Variants in IL4I1 observed in about 807,000 individuals in gnomAD.
IL4I1 encodes L-amino-acid oxidase.
Under a neutral mutation model 29.7 loss-of-function variants are expected in IL4I1, and 24 were observed. The observed-to-expected ratio is 0.81, with a 90% CI of 0.59 to 1.14. IL4I1 has a LOEUF of 1.14. IL4I1 is among the 50% of genes most tolerant of loss of function. The pLI is 0.00. For missense variants in IL4I1, 686 were observed against 785.6 expected (o/e 0.87, Z 1.52); for synonymous variants, 371 against 352.5 (o/e 1.05, Z -0.59).
chr19:49,901,810 G>A (rs1268840180), upstream of IL4I1: 4 of 866,180 alleles, frequency 4.6e-6, no homozygotes, highest in Non-Finnish European at 6.8e-6. Context: ...TGGGGTCAGA[G>A]CAGCTGGGAG....
chr19:49,910,149 G>A (rs1279431475), intron 2 of IL4I1, among the ~76,000 whole-genome samples: 1 of 152,148 alleles, frequency 6.6e-6, no homozygotes, highest in African/African-American at 2.4e-5. Flanking sequence ...GACGAGGCGG[G>A]AGAACAGGAC....
chr19:49,894,653 C>T (rs1047252149), intron 4 of IL4I1, among the ~76,000 whole-genome samples, 184 bp from the exon 5 acceptor site: 1 of 151,760 alleles, frequency 6.6e-6, no homozygotes, highest in Non-Finnish European at 1.5e-5. Flanking sequence ...AGGCTGGAGG[C>T]CTCAGGGCAG....
At chr19:49,903,353 G>A (rs1370187640) in intron 3 of IL4I1, among the ~76,000 whole-genome samples, 2 of 152,170 alleles carry the variant, frequency 1.3e-5, no homozygotes, top group Non-Finnish European at 2.9e-5. Flanking sequence ...CAACCTGATG[G>A]TGTCTGGAGG....
chr19:49,900,477 G>A (rs192128225), upstream of IL4I1, among the ~76,000 whole-genome samples: 3 of 152,010 alleles, frequency 2.0e-5, no homozygotes, highest in African/African-American at 7.3e-5. Flanking sequence ...TAGTAGAGAC[G>A]GGGTTTCTCC....
chr19:49,909,305 G>A, intron 2 of IL4I1: 1 of 1,614,096 alleles, frequency 6.2e-7, no homozygotes, highest in Non-Finnish European at 8.5e-7. Flanking sequence ...GAAACCGGAG[G>A]GTTGGGCCGT....
Position 49,889,783 on chromosome 19 carries a change from G to A in IL4I1, c.1591C>T (p.His531Tyr), listed in dbSNP as rs1425185993. 6.5e-7 allele frequency: 1 copy of A among 1,534,842 alleles called. No homozygotes were observed. The highest frequency in any genetic ancestry group is 8.8e-7 in the Non-Finnish European group (1 of 1,140,886). The change falls in exon 8 of 8, where the codon CAT becomes TAT. Residue 531 changes from histidine to tyrosine, a missense_variant. Coordinates refer to ENST00000391826, the MANE Select transcript of IL4I1 (RefSeq NM_152899.2). Reference protein sequence around the residue: ...ASDMEGQGHVHGVASSPSHDL... With the variant: ...ASDMEGQGHVYGVASSPSHDL... ...TGCGAGGGGCTGCTGGCCACCCCATGCACATGCCCCTGCCCCTCCATGTCA... is the reference window on the plus strand; with the variant it reads ...TGCGAGGGGCTGCTGGCCACCCCATACACATGCCCCTGCCCCTCCATGTCA...
intron 2 of IL4I1, among the ~76,000 whole-genome samples, chr19:49,905,132 ATAAC>A (rs1364691369): frequency 1.3e-5 from 2 of 152,226 alleles, no homozygotes; most frequent in Non-Finnish European, 2.9e-5. Context: ...TTTTAAAAAT[ATAAC>A]TATAAGAAAG....
At position 49,889,809 on chromosome 19, in the gene IL4I1, G is replaced by C. The variant is rs773846606; in HGVS notation, c.1565C>G (p.Ser522Cys). 6.5e-6 allele frequency: 10 copies of C among 1,549,200 alleles called. No homozygotes were observed. The highest frequency in any genetic ancestry group is 8.7e-6 in the Non-Finnish European group (10 of 1,147,364). The change falls in exon 8 of 8, where the codon TCT (serine) becomes TGT (cysteine). Residue 522 changes from serine (S) to cysteine (C), a missense_variant. Transcript: ENST00000391826. ...SDTASPEGHA[S>C]DMEGQGHVHG... is the part of the protein sequence containing the mutation. ...CACATGCCCCTGCCCCTCCATGTCA[G>C]ATGCGTGCCCCTCGGGGCTGGCCGT...
upstream of IL4I1, among the ~76,000 whole-genome samples, chr19:49,897,599 G>T (rs1451220423): frequency 1.3e-5 from 2 of 152,248 alleles, no homozygotes; most frequent in East Asian, 3.8e-4. Flanking sequence ...TGGCCGCAGG[G>T]GCACTCAGGG....
chr19:49,891,518 C>T (rs1363938248), intron 5 of IL4I1, 45 bp from the exon 6 acceptor site: 2 of 1,565,978 alleles, frequency 1.3e-6, no homozygotes, highest in Admixed American at 1.7e-5. Flanking sequence ...CCCGGGCAGC[C>T]AGGGTGGAGG....
chr19:49,901,877 C>T (rs2075274893), upstream of IL4I1: 3 of 474,540 alleles, frequency 6.3e-6, no homozygotes, highest in Non-Finnish European at 1.1e-5. Flanking sequence ...AACTTTCAAA[C>T]ATCTAAAACC....
intron 5 of IL4I1, among the ~76,000 whole-genome samples, chr19:49,891,706 C>A (rs921126306): frequency 6.6e-6 from 1 of 152,260 alleles, no homozygotes; most frequent in Non-Finnish European, 1.5e-5. Flanking sequence ...CATCCCCCCT[C>A]ATTCGGCTGG....
At chr19:49,923,941 C>T (rs770849706) in intron 2 of IL4I1, among the ~76,000 whole-genome samples, 2 of 152,254 alleles carry the variant, frequency 1.3e-5, no homozygotes, top group African/African-American at 2.4e-5. Flanking sequence ...AGGACCAGAA[C>T]CCCGGTCTGT....
chr19:49,919,317 C>A (rs1312805572), intron 2 of IL4I1, among the ~76,000 whole-genome samples: 2 of 152,204 alleles, frequency 1.3e-5, no homozygotes, highest in Non-Finnish European at 2.9e-5. Context: ...CAGAGACTTG[C>A]TGTGCGTTTA....
chr19:49,895,566 G>A (rs1433066524), intron 3 of IL4I1, among the ~76,000 whole-genome samples: 1 of 152,200 alleles, frequency 6.6e-6, no homozygotes, highest in Non-Finnish European at 1.5e-5. Flanking sequence ...CCAGGACAGA[G>A]GAGCTTTGAG....
At position 49,895,825 on chromosome 19, in the gene IL4I1, G is replaced by A. The variant is rs1335436643; in HGVS notation, c.242C>T (p.Ala81Val). 3.1e-6 allele frequency: 5 copies of A among 1,613,044 alleles called. No homozygotes were observed. The highest frequency in any genetic ancestry group is 2.2e-5 in the South Asian group (2 of 91,042). ...GLVAAKVLSDAGHKVTILEAD... is the reference protein window; with the variant it reads ...GLVAAKVLSDVGHKVTILEAD... ...AGCAGTGCTTCCCACCTTGTGTCCA[G>A]CATCGCTGAGCACCTTGGCGGCCAC... Residue 81 changes from alanine to valine, a missense_variant, in exon 3 of 8, where the codon GCT becomes GTT. By Grantham distance (64) the Ala-to-Val change is moderately conservative. Coordinates refer to ENST00000391826, the MANE Select transcript of IL4I1 (RefSeq NM_152899.2).
chr19:49,900,513 C>T (rs1568690311), upstream of IL4I1, among the ~76,000 whole-genome samples: 1 of 152,090 alleles, frequency 6.6e-6, no homozygotes. Context: ...GTCTTGAAGT[C>T]CTGACCTCAG....
At chr19:49,927,928 T>A (rs190836844) in intron 1 of IL4I1, 2 of 152,328 alleles carry the variant, frequency 1.3e-5, no homozygotes, top group Admixed American at 1.3e-4. Context: ...TCTTCCATTT[T>A]TGGCAGGGTT....
Position 49,889,733 on chromosome 19 carries a change from G to T in IL4I1, c.1641C>A (p.Ser547Arg). 2.0e-6 allele frequency: 3 copies of T among 1,515,614 alleles called. No homozygotes were observed. The highest frequency in any genetic ancestry group is 2.7e-6 in the Non-Finnish European group (3 of 1,131,980). 93.9% of individuals were successfully genotyped at this position (1,515,614 alleles called of 1,614,324 possible). Residue 547 changes from serine to arginine, a missense_variant, in exon 8 of 8, where the codon AGC becomes AGA. Coordinates refer to ENST00000391826, the MANE Select transcript of IL4I1 (RefSeq NM_152899.2). The part of the protein sequence containing the change: ...PSHDLAKEEG[S>R]HPPVQGQLSL... ...ATAACTGGCCTTGGACTGGAGGGTGGCTGCCTTCTTCCTTTGCCAGGTCAT... is the reference window on the plus strand; with the variant it reads ...ATAACTGGCCTTGGACTGGAGGGTGTCTGCCTTCTTCCTTTGCCAGGTCAT...
Sources: allele counts gnomAD v4.1 joint callset (sites outside exome capture counted in the v4.1 genomes callset), GRCh38; gene constraint gnomAD v4.1.1; transcripts MANE v1.5; gene names NCBI Gene and HGNC (gene_info 2026-07-23, HGNC 2026-07-21).